Variants in COMMD10 observed in about 807,000 individuals in gnomAD.
The protein encoded by COMMD10 is COMM domain containing 10.
Under a neutral mutation model 28.9 loss-of-function variants are expected in COMMD10, and 33 were observed. The ratio of observed to expected loss-of-function variants is 1.14; its 90% CI spans 0.87 to 1.53. COMMD10 has a LOEUF of 1.53. Among genes scored for constraint, COMMD10 ranks in the 40% most tolerant of loss-of-function variants. COMMD10 has a pLI of 0.00. For missense variants in COMMD10, 310 were observed against 233.4 expected (o/e 1.33, Z -2.14); for synonymous variants, 110 against 81.7 (o/e 1.35, Z -1.87).
intron 5 of COMMD10, among the ~76,000 whole-genome samples, chr5:116,285,228 T>C (rs1751185634): frequency 6.6e-6 from 1 of 151,992 alleles, no homozygotes; most frequent in Non-Finnish European, 1.5e-5. Context: ...TTTAAAAAGC[T>C]ACCGAACTCT....
chr5:116,209,591 C>T (rs1273035653), intron 5 of COMMD10, among the ~76,000 whole-genome samples: 1 of 152,070 alleles, frequency 6.6e-6, no homozygotes, highest in Non-Finnish European at 1.5e-5. Flanking sequence ...CTGAACTGAA[C>T]CCATGCTTCT....
chr5:116,235,731 C>T (rs1749643581), intron 5 of COMMD10, among the ~76,000 whole-genome samples: 1 of 152,252 alleles, frequency 6.6e-6, no homozygotes, highest in South Asian at 2.1e-4. Flanking sequence ...CAATTTGATT[C>T]ACATTCTTGT....
chr5:116,203,010 A>G (rs1305281902), intron 5 of COMMD10, among the ~76,000 whole-genome samples: 1 of 151,716 alleles, frequency 6.6e-6, no homozygotes, highest in African/African-American at 2.4e-5. Context: ...TAGGGTTTTT[A>G]TGGTTTTAGG....
intron 5 of COMMD10, among the ~76,000 whole-genome samples, chr5:116,284,248 G>A (rs1375864251): frequency 4.6e-5 from 7 of 151,890 alleles, no homozygotes; most frequent in African/African-American, 7.3e-5. Context: ...CTGGAAGAAT[G>A]GAGATGTAAT....
intron 5 of COMMD10, among the ~76,000 whole-genome samples, chr5:116,194,281 C>G (rs147288555): frequency 0.016 from 2,399 of 152,010 alleles, 69 homozygotes; most frequent in African/African-American, 0.056. Flanking sequence ...CAAGAACAAA[C>G]CAAACCCAAA....
chr5:116,149,489 C>G (rs1351421130), intron 5 of COMMD10, among the ~76,000 whole-genome samples: 1 of 146,348 alleles, frequency 6.8e-6, no homozygotes, highest in Non-Finnish European at 1.5e-5. Context: ...AAAAGTGTTC[C>G]TATTTCTCCA....
chr5:116,121,763 G>A (rs1580462642), intron 4 of COMMD10, among the ~76,000 whole-genome samples: 1 of 152,188 alleles, frequency 6.6e-6, no homozygotes, highest in East Asian at 1.9e-4. Context: ...GTGTCTGTTG[G>A]CTGTGTAGAT....
chr5:116,154,904 G>C (rs1030681849), intron 5 of COMMD10, among the ~76,000 whole-genome samples: 1 of 151,998 alleles, frequency 6.6e-6, no homozygotes, highest in Non-Finnish European at 1.5e-5. Flanking sequence ...GAGGGAGCGG[G>C]AGTGCTTTGG....
intron 4 of COMMD10, among the ~76,000 whole-genome samples, chr5:116,121,137 C>T (rs111964385): frequency 6.6e-6 from 1 of 151,942 alleles, no homozygotes; most frequent in Non-Finnish European, 1.5e-5. Flanking sequence ...CCCCCTGCCC[C>T]CCACCACATG....
intron 5 of COMMD10, among the ~76,000 whole-genome samples, chr5:116,258,957 C>G (rs529171367): frequency 6.6e-6 from 1 of 151,326 alleles, no homozygotes; most frequent in Non-Finnish European, 1.5e-5. Context: ...CTAGATCTAT[C>G]CTCCTTTTCT....
intron 5 of COMMD10, among the ~76,000 whole-genome samples, chr5:116,266,985 A>G (rs202118043): frequency 6.6e-6 from 1 of 151,914 alleles, no homozygotes; most frequent in African/African-American, 2.4e-5. Context: ...CCCACAGCCA[A>G]TATCATACTG....
intron 5 of COMMD10, among the ~76,000 whole-genome samples, chr5:116,269,860 G>A (rs1355373300): frequency 3.3e-5 from 5 of 151,660 alleles, no homozygotes; most frequent in Non-Finnish European, 5.9e-5. Context: ...TAAGGGATGA[G>A]GATGAGAGAA....
At chr5:116,163,954 A>G (rs1580507841) in intron 5 of COMMD10, among the ~76,000 whole-genome samples, 1 of 151,992 alleles carries the variant, frequency 6.6e-6, no homozygotes. Context: ...ACCCTTTCCC[A>G]TTGAAGTTAC....
intron 5 of COMMD10, among the ~76,000 whole-genome samples, chr5:116,250,415 G>T (rs1750077493): frequency 6.6e-6 from 1 of 151,306 alleles, no homozygotes; most frequent in South Asian, 2.1e-4. Flanking sequence ...TGTTCTATGG[G>T]TTTACAGAGA....
At chr5:116,278,173 C>T (rs1750970434) in intron 5 of COMMD10, among the ~76,000 whole-genome samples, 1 of 151,690 alleles carries the variant, frequency 6.6e-6, no homozygotes, top group Non-Finnish European at 1.5e-5. Flanking sequence ...GAAAAATATA[C>T]CATTACCTAT....
chr5:116,109,803 TAA>T (rs1580452068), intron 4 of COMMD10, among the ~76,000 whole-genome samples: 1 of 152,230 alleles, frequency 6.6e-6, no homozygotes, highest in Non-Finnish European at 1.5e-5. Flanking sequence ...TTCCTAGATA[TAA>T]GTTATATCTT....
intron 5 of COMMD10, among the ~76,000 whole-genome samples, chr5:116,184,626 C>T (rs144476757): frequency 1.3e-5 from 2 of 152,166 alleles, no homozygotes; most frequent in African/African-American, 4.8e-5. Flanking sequence ...ACTCCAGCAG[C>T]AGTGGAGTTG....
intron 5 of COMMD10, among the ~76,000 whole-genome samples, chr5:116,152,352 AT>A (rs974372879): frequency 6.6e-6 from 1 of 151,974 alleles, no homozygotes; most frequent in East Asian, 1.9e-4. Flanking sequence ...TCCCTGTGGG[AT>A]TTTTTTTCAC....
At chr5:116,089,945 G>A (rs1280668946) in intron 2 of COMMD10, among the ~76,000 whole-genome samples, 1 of 152,096 alleles carries the variant, frequency 6.6e-6, no homozygotes, top group Non-Finnish European at 1.5e-5. Flanking sequence ...TATGTATCCC[G>A]ACTCCATCGA....
Sources: gnomAD v4.1 joint callset for allele counts (sites outside exome capture counted in the v4.1 genomes callset) on GRCh38, gnomAD v4.1.1 for gene constraint, MANE v1.5 for transcripts, NCBI Gene and HGNC (gene_info 2026-07-23, HGNC 2026-07-21) for gene names.